The following KCNN2 variants were observed in gnomAD, a reference collection of about 807,000 sequenced individuals.
KCNN2 encodes the protein potassium calcium-activated channel subfamily N member 2.
In KCNN2, 24 loss-of-function variants were observed where a neutral mutation model predicts 55.5. That is an observed-to-expected ratio of 0.43 (90% CI 0.31 to 0.61). The LOEUF (loss-of-function observed/expected upper bound fraction) is 0.61, where lower values mean the gene tolerates loss of function less well. Among genes scored for constraint, KCNN2 ranks in the 20% least tolerant of loss-of-function variants. KCNN2 has a pLI of 0.08. For synonymous variants in KCNN2, 431 were observed against 336.1 expected (o/e 1.28, Z -3.09); for missense variants, 754 against 853.6 (o/e 0.88, Z 1.45).
intron 2 of KCNN2, among the ~76,000 whole-genome samples, chr5:114,291,956 T>C (rs1270927671): frequency 6.6e-6 from 1 of 152,196 alleles, no homozygotes; most frequent in Non-Finnish European, 1.5e-5. Flanking sequence ...GATGAGCATT[T>C]TTTCATGTGT....
At chr5:114,160,964 C>G (rs1319274357) in intron 1 of KCNN2, among the ~76,000 whole-genome samples, 1 of 152,134 alleles carries the variant, frequency 6.6e-6, no homozygotes, top group Non-Finnish European at 1.5e-5. Flanking sequence ...ATCCAATTTG[C>G]CAGTCTGTGT....
At chr5:114,466,886 G>A (rs1047579308) in intron 4 of KCNN2, among the ~76,000 whole-genome samples, 3 of 152,084 alleles carry the variant, frequency 2.0e-5, no homozygotes, top group African/African-American at 7.2e-5. Context: ...CATCCCACTA[G>A]TAGTTCTATG....
chr5:114,414,097 G>C (rs183007836), intron 3 of KCNN2, among the ~76,000 whole-genome samples: 2 of 151,948 alleles, frequency 1.3e-5, no homozygotes, highest in South Asian at 2.1e-4. Flanking sequence ...CTTCCTGCTG[G>C]ATTTTCTGCA....
At chr5:114,476,110 A>G (rs1319305701) in intron 5 of KCNN2, among the ~76,000 whole-genome samples, 1 of 151,836 alleles carries the variant, frequency 6.6e-6, no homozygotes, top group African/African-American at 2.4e-5. Context: ...ATATGTATAC[A>G]TGTGCCATGC....
intron 1 of KCNN2, among the ~76,000 whole-genome samples, chr5:114,060,056 C>G (rs1750294436): frequency 6.6e-6 from 1 of 152,266 alleles, no homozygotes. Flanking sequence ...CCCACAGTAC[C>G]TCAGGCTGTG....
At chr5:114,319,160 A>G (rs1021991206) in intron 2 of KCNN2, among the ~76,000 whole-genome samples, 6 of 152,172 alleles carry the variant, frequency 3.9e-5, no homozygotes, top group African/African-American at 1.4e-4. Context: ...GATGGCCTTC[A>G]TATTCTGAGC....
intron 2 of KCNN2, among the ~76,000 whole-genome samples, chr5:114,376,220 T>G (rs1757936569): frequency 6.6e-6 from 1 of 152,050 alleles, no homozygotes; most frequent in South Asian, 2.1e-4. Context: ...AATGTATCCA[T>G]CAAATGTGTC....
At chr5:114,298,276 T>G (rs1277097114) in intron 2 of KCNN2, among the ~76,000 whole-genome samples, 1 of 152,228 alleles carries the variant, frequency 6.6e-6, no homozygotes, top group African/African-American at 2.4e-5. Context: ...TACTCTCAGT[T>G]GGAGGACCAA....
chr5:114,128,014 C>T (rs1317212616), intron 1 of KCNN2, among the ~76,000 whole-genome samples: 3 of 152,168 alleles, frequency 2.0e-5, no homozygotes, highest in African/African-American at 7.2e-5. Flanking sequence ...AGCCACTCAA[C>T]AAATCTCTAG....
At chr5:114,092,098 C>T (rs1275519019) in intron 1 of KCNN2, among the ~76,000 whole-genome samples, 1 of 152,162 alleles carries the variant, frequency 6.6e-6, no homozygotes, top group East Asian at 1.9e-4. Context: ...TCTCTTCTAC[C>T]TAAGAGCCTG....
At chr5:114,254,422 A>G (rs1182856610) in intron 2 of KCNN2, among the ~76,000 whole-genome samples, 2 of 152,154 alleles carry the variant, frequency 1.3e-5, no homozygotes, top group Non-Finnish European at 2.9e-5. Context: ...TTCTGAAATG[A>G]CAAATAGTTT....
intron 1 of KCNN2, among the ~76,000 whole-genome samples, chr5:114,148,177 C>G (rs1352156845): frequency 1.3e-5 from 2 of 151,890 alleles, no homozygotes; most frequent in African/African-American, 4.8e-5. Context: ...TCTGACTTGT[C>G]TAAAGGAATA....
intron 1 of KCNN2, among the ~76,000 whole-genome samples, chr5:114,058,435 G>T (rs1750255896): frequency 6.6e-6 from 1 of 152,182 alleles, no homozygotes; most frequent in Non-Finnish European, 1.5e-5. Context: ...GTTTTGGCTG[G>T]TAAGGCCAGG....
At chr5:114,319,490 C>T (rs1330591603) in intron 2 of KCNN2, among the ~76,000 whole-genome samples, 3 of 152,166 alleles carry the variant, frequency 2.0e-5, no homozygotes, top group Admixed American at 1.3e-4. Flanking sequence ...ATTTAGAATA[C>T]AGCCTGAAGC....
At position 114,463,997 on chromosome 5, in the gene KCNN2, G is replaced by A. The variant is rs1050195421; in HGVS notation, c.1779+807G>A. Among the ~76,000 whole-genome samples, 13 of 152,282 alleles carry A rather than the reference G, an allele frequency of 8.5e-5. No homozygotes were observed. In the East Asian group the frequency reaches 2.5e-3, roughly 29 times the overall value. On this transcript the variant is annotated intron_variant, in intron 4 of 7. Transcript: ENST00000673685. ...TGGGCCAGGAGTACACAGAGCAAAA[G>A]GGGAGAGCGGCCTGGCATGAGGCAG...
At chr5:114,139,942 G>C (rs1259898111) in intron 1 of KCNN2, among the ~76,000 whole-genome samples, 1 of 151,664 alleles carries the variant, frequency 6.6e-6, no homozygotes, top group East Asian at 1.9e-4. Flanking sequence ...TATTTAAACA[G>C]ATTGAATACA....
intron 1 of KCNN2, among the ~76,000 whole-genome samples, chr5:114,111,601 C>G (rs1751599064): frequency 6.6e-6 from 1 of 152,126 alleles, no homozygotes; most frequent in Non-Finnish European, 1.5e-5. Context: ...GGGCTAATAT[C>G]CAGAATCTAC....
chr5:114,341,523 A>G (rs755095667), intron 2 of KCNN2, among the ~76,000 whole-genome samples: 36 of 152,170 alleles, frequency 2.4e-4, no homozygotes, highest in Non-Finnish European at 4.7e-4. Context: ...GATTATCACT[A>G]ACTCCTGTTT....
At chr5:114,493,376 T>C in intron 6 of KCNN2, 27 bp from the exon 7 acceptor site, 1 of 1,435,896 alleles carries the variant, frequency 7.0e-7, no homozygotes, top group Non-Finnish European at 9.8e-7. Flanking sequence ...GAAGGGAACC[T>C]TTCTGATACC....
Sources: allele counts gnomAD v4.1 joint callset (sites outside exome capture counted in the v4.1 genomes callset), GRCh38; gene constraint gnomAD v4.1.1; transcripts MANE v1.5; gene names NCBI Gene and HGNC (gene_info 2026-07-23, HGNC 2026-07-21).